The following CHID1 variants were observed in gnomAD, a reference collection of about 807,000 sequenced individuals.
The protein encoded by CHID1 is chitinase domain containing 1.
A neutral mutation model predicts 55.4 loss-of-function variants in CHID1; 44 were observed. The observed-to-expected ratio is 0.79, with a 90% CI of 0.62 to 1.02. The LOEUF is 1.02. Ranked by LOEUF, CHID1 falls within the 50% of genes least tolerant of loss-of-function variation. CHID1 has a pLI of 0.00. For synonymous variants in CHID1, 216 were observed against 212.9 expected (o/e 1.01, Z -0.13); for missense variants, 491 against 515.3 (o/e 0.95, Z 0.46).
rs1257313034 is a variant in CHID1 at position 875,785 on chromosome 11, G to C, written c.960-5286C>G. On this transcript the variant is annotated intron_variant, in intron 10 of 12. Transcript: ENST00000323578. The surrounding 1 kb of genome is among the most constrained non-coding windows in gnomAD (Gnocchi z 4.7). ...TGGCAGCAAAAGACGCCACGGCAGTGATGAGGACCACGTGCCTAAGATTCA... is the reference window on the plus strand; with the variant it reads ...TGGCAGCAAAAGACGCCACGGCAGTCATGAGGACCACGTGCCTAAGATTCA... Among the ~76,000 whole-genome samples the C allele has an allele frequency of 6.6e-6, 1 of 152,188 alleles. No homozygotes were observed.
intron 1 of CHID1, 81 bp from the exon 2 acceptor site, chr11:904,940 T>G (rs1040666955): frequency 1.1e-5 from 16 of 1,470,370 alleles, no homozygotes; most frequent in Non-Finnish European, 1.5e-5. Flanking sequence ...TGGGGCCACT[T>G]TCTCCTAATA....
At chr11:910,708 A>C (rs1278501701) in intron 1 of CHID1, 67 bp downstream of exon 1, 1 of 1,256,656 alleles carries the variant, frequency 8.0e-7, no homozygotes, top group Admixed American at 2.5e-5. Context: ...CGGCGCGCCC[A>C]CTTTGCGGGA....
intron 8 of CHID1, among the ~76,000 whole-genome samples, chr11:887,225 A>G (rs28641661): frequency 0.99 from 151,194 of 152,280 alleles, 75,068 homozygotes; most frequent in Middle Eastern, 1. Context: ...ATGAGGTCTC[A>G]CTATGTTGCC....
At chr11:882,910 G>A (rs1565171935) in intron 10 of CHID1, 13 of 466,494 alleles carry the variant, frequency 2.8e-5, no homozygotes, top group Admixed American at 3.8e-5. Flanking sequence ...CCAGCCTCAC[G>A]CAGATGTGGG....
At chr11:898,755 G>A (rs1490802558) in intron 7 of CHID1, among the ~76,000 whole-genome samples, 1 of 152,216 alleles carries the variant, frequency 6.6e-6, no homozygotes, top group East Asian at 1.9e-4. Flanking sequence ...TGGCCCACAG[G>A]GAGTGGGAAC....
At chr11:890,405 T>C (rs7940112) in intron 8 of CHID1, among the ~76,000 whole-genome samples, 65,998 of 152,156 alleles carry the variant, frequency 0.43, 14,781 homozygotes, top group Admixed American at 0.52. Context: ...GCTCCACATA[T>C]AGCGATGGCC....
At chr11:909,228 C>T (rs1379771394) in intron 1 of CHID1, among the ~76,000 whole-genome samples, 3 of 152,260 alleles carry the variant, frequency 2.0e-5, no homozygotes, top group Non-Finnish European at 4.4e-5. Context: ...CACTCTCCAT[C>T]ATGCTCTTCA....
At chr11:894,362 GT>G (rs1488493500) in intron 7 of CHID1, among the ~76,000 whole-genome samples, 1 of 152,120 alleles carries the variant, frequency 6.6e-6, no homozygotes, top group Non-Finnish European at 1.5e-5. Context: ...GGCTGGCAGT[GT>G]TCCCCAAGGG....
At chr11:881,183 C>A (rs1050721621) in intron 10 of CHID1, among the ~76,000 whole-genome samples, 1 of 152,162 alleles carries the variant, frequency 6.6e-6, no homozygotes, top group Non-Finnish European at 1.5e-5. Flanking sequence ...GTGGCTCACG[C>A]GTGTCATCGC....
chr11:887,366 C>T (rs1225793882), intron 8 of CHID1, among the ~76,000 whole-genome samples: 1 of 152,200 alleles, frequency 6.6e-6, no homozygotes, highest in Non-Finnish European at 1.5e-5. Context: ...CATTTTCTCT[C>T]CTCTAGCTCT....
At position 876,715 on chromosome 11, in the gene CHID1, C is replaced by T. The variant is rs142118544; in HGVS notation, c.960-6216G>A. On this transcript the variant is annotated intron_variant, in intron 10 of 12. Coordinates refer to ENST00000323578, the MANE Select transcript of CHID1 (RefSeq NM_023947.4). ...GTCAGCACTCTCTCGGCCGGCTCGG[C>T]AGCTGTGAGGATGCACGTGTGAGCG... Among the ~76,000 whole-genome samples the T allele has an allele frequency of 4.6e-5, 7 of 152,356 alleles. No individual in the cohort carries two copies. The East Asian group carries it at 1.4e-3, about 29-fold the overall frequency.
chr11:870,121 C>T lies in CHID1; in HGVS notation c.1083G>A (p.Lys361=). 17 of 1,613,008 alleles carry T rather than the reference C, an allele frequency of 1.1e-5. No individual in the cohort carries two copies. Among genetic ancestry groups the T allele is most frequent in the Non-Finnish European group, 1.4e-5 (16 of 1,179,966 alleles). Reference sequence around the variant, plus strand: ...GTCCCACGGCTGGCAGCACACGCACCTTCAGGGTTGGGTAGAAGACGACGT... The same window carrying T: ...GTCCCACGGCTGGCAGCACACGCACTTTCAGGGTTGGGTAGAAGACGACGT... ...GRHVVFYPTL[K]SLQVRLELAR... The change falls in exon 12 of 13, where the codon AAG becomes AAA. Residue 361 remains lysine (K), a splice_region_variant and synonymous_variant. Coordinates refer to ENST00000323578, the MANE Select transcript of CHID1 (RefSeq NM_023947.4).
intron 7 of CHID1, among the ~76,000 whole-genome samples, chr11:894,741 G>A (rs1851131347): frequency 6.6e-6 from 1 of 152,158 alleles, no homozygotes; most frequent in South Asian, 2.1e-4. Context: ...GTGAGAACCG[G>A]GTTAGGTCAG....
chr11:880,579 G>C (rs2134156239), intron 10 of CHID1, among the ~76,000 whole-genome samples: 2 of 152,236 alleles, frequency 1.3e-5, no homozygotes, highest in South Asian at 4.2e-4. Context: ...GGCCGGGCAG[G>C]GAACACTGCC....
rs1849481205 is a variant in CHID1, at chr11:875,926, G to T, written c.960-5427C>A. 6.6e-6 allele frequency among the ~76,000 whole-genome samples: 1 copy of T among 152,150 alleles called. No homozygotes were observed. The highest frequency in any genetic ancestry group is 1.5e-5 in the Non-Finnish European group (1 of 68,034). On this transcript the variant is annotated intron_variant, in intron 10 of 12. Transcript: ENST00000323578. The surrounding 1 kb of genome is among the most constrained non-coding windows in gnomAD (Gnocchi z 4.7). Reference sequence around the variant, plus strand: ...ATAGGCTGGAGGAGCGAGGAGGCTGGGACTGGATGACTGGCTGGTGTGGGT... The same window carrying T: ...ATAGGCTGGAGGAGCGAGGAGGCTGTGACTGGATGACTGGCTGGTGTGGGT...
At chr11:876,198 C>A (rs1488486336) in intron 10 of CHID1, among the ~76,000 whole-genome samples, 1 of 152,150 alleles carries the variant, frequency 6.6e-6, no homozygotes, top group African/African-American at 2.4e-5. Context: ...GGGAGAAGAG[C>A]CCCAGCTTCT....
intron 9 of CHID1, among the ~76,000 whole-genome samples, chr11:883,635 C>T (rs375508016): frequency 6.6e-6 from 1 of 152,218 alleles, no homozygotes; most frequent in Non-Finnish European, 1.5e-5. Context: ...CACTCATGTG[C>T]GGCCCCCACC....
At chr11:903,872 C>T in intron 2 of CHID1, 1 of 199,780 alleles carries the variant, frequency 5.0e-6, no homozygotes, top group South Asian at 5.6e-5. Context: ...ACCCTGCTGG[C>T]CAACCACTGC....
rs1298618969 is a variant in CHID1, at chr11:910,785, G to C, written c.-54C>G. On this transcript the variant is annotated 5_prime_UTR_variant, in exon 1 of 13. Transcript: ENST00000323578. The stretch of plus-strand genomic sequence containing the variant: ...CGCCGCGGGGCTCACCTGCATGTCA[G>C]GGAGGCCGGACGGCCACAAACGCAC... 5 of 1,126,996 alleles carry C rather than the reference G, an allele frequency of 4.4e-6. No homozygotes were observed. The highest frequency in any genetic ancestry group is 2.1e-4 in the East Asian group (2 of 9,492). 69.8% of individuals were successfully genotyped at this position (1,126,996 alleles called of 1,614,324 possible).
Sources: allele counts gnomAD v4.1 joint callset (sites outside exome capture counted in the v4.1 genomes callset), GRCh38; gene constraint gnomAD v4.1.1; non-coding constraint Gnocchi (gnomAD v3.1); transcripts MANE v1.5; gene names NCBI Gene and HGNC (gene_info 2026-07-23, HGNC 2026-07-21).